TRAPPC9: variants seen among roughly 807,000 people sequenced by gnomAD.
TRAPPC9 encodes the protein IKK2 binding protein.
Under a neutral mutation model 124.0 loss-of-function variants are expected in TRAPPC9, and 83 were observed. That is an observed-to-expected ratio of 0.67 (90% CI 0.56 to 0.80). The LOEUF (loss-of-function observed/expected upper bound fraction) is 0.80. TRAPPC9 is among the 30% of genes least tolerant of loss of function. TRAPPC9 has a pLI of 0.00. For missense variants in TRAPPC9, 1,302 were observed against 1,508.3 expected, an observed-to-expected ratio of 0.86 and a Z score of 2.27; for synonymous variants, 638 against 617.5, an observed-to-expected ratio of 1.03 and a Z score of -0.49.
At chr8:140,448,145 CAAA>C (rs56941791) in intron 2 of TRAPPC9, among the ~76,000 whole-genome samples, 9 of 90,082 alleles carry the variant, frequency 1.0e-4, no homozygotes, top group South Asian at 3.8e-4. Flanking sequence ...GACACCATCT[CAAA>C]AAAAAAAAAA....
At chr8:139,873,452 A>C (rs972239983) in intron 21 of TRAPPC9, among the ~76,000 whole-genome samples, 5 of 152,096 alleles carry the variant, frequency 3.3e-5, no homozygotes, top group Non-Finnish European at 7.4e-5. Flanking sequence ...CCCCTCCATC[A>C]GGCTGTGAGT....
At chr8:140,430,852 C>T (rs2070613417) in intron 4 of TRAPPC9, among the ~76,000 whole-genome samples, 1 of 151,974 alleles carries the variant, frequency 6.6e-6, no homozygotes, top group Non-Finnish European at 1.5e-5. Context: ...GTTGCCCAGG[C>T]TGGTCTCAAA....
chr8:139,895,381 TA>T (rs887092958), intron 20 of TRAPPC9, among the ~76,000 whole-genome samples: 4 of 151,856 alleles, frequency 2.6e-5, no homozygotes, highest in African/African-American at 4.8e-5. Context: ...ACCTTTTGTG[TA>T]AAAAAAAATT....
At chr8:140,431,563 A>G (rs1221108176) in intron 4 of TRAPPC9, among the ~76,000 whole-genome samples, 1 of 152,250 alleles carries the variant, frequency 6.6e-6, no homozygotes, top group Non-Finnish European at 1.5e-5. Flanking sequence ...TCCAAACACT[A>G]TAAAATGATG....
At chr8:139,927,102 A>G (rs1832861867) in intron 19 of TRAPPC9, among the ~76,000 whole-genome samples, 1 of 152,246 alleles carries the variant, frequency 6.6e-6, no homozygotes, top group African/African-American at 2.4e-5. Context: ...TAAATGTCAA[A>G]CTATCACAAT....
At chr8:140,378,954 G>A (rs2068524925) in intron 7 of TRAPPC9, among the ~76,000 whole-genome samples, 1 of 152,074 alleles carries the variant, frequency 6.6e-6, no homozygotes, top group South Asian at 2.1e-4. Flanking sequence ...TGGGGATGGG[G>A]GGATTTTTAT....
intron 8 of TRAPPC9, among the ~76,000 whole-genome samples, chr8:140,364,162 T>C (rs913679717): frequency 5.9e-5 from 9 of 151,676 alleles, no homozygotes; most frequent in Non-Finnish European, 8.8e-5. Flanking sequence ...GATGCAGTCT[T>C]AAATGTTACA....
intron 10 of TRAPPC9, among the ~76,000 whole-genome samples, chr8:140,302,278 A>C (rs1269821039): frequency 6.6e-6 from 1 of 152,028 alleles, no homozygotes; most frequent in African/African-American, 2.4e-5. Flanking sequence ...CCTCCAGACC[A>C]AGGGCACACC....
intron 18 of TRAPPC9, among the ~76,000 whole-genome samples, chr8:140,009,582 G>A (rs949738686): frequency 1.3e-5 from 2 of 152,164 alleles, no homozygotes; most frequent in Non-Finnish European, 2.9e-5. Flanking sequence ...GAAATAGCAA[G>A]GCTTAGCCTA....
chr8:140,355,836 T>C (rs137983493), intron 9 of TRAPPC9, among the ~76,000 whole-genome samples: 2 of 152,312 alleles, frequency 1.3e-5, no homozygotes, highest in East Asian at 3.9e-4. Flanking sequence ...TACACACATA[T>C]ATTAAAAGAG....
chr8:140,389,455 AC>A (rs2068859893), intron 7 of TRAPPC9, among the ~76,000 whole-genome samples: 1 of 152,234 alleles, frequency 6.6e-6, no homozygotes, highest in African/African-American at 2.4e-5. Flanking sequence ...CACTGCCGTC[AC>A]GGCCACTCAG....
At chr8:140,168,079 C>T (rs894307518) in intron 17 of TRAPPC9, among the ~76,000 whole-genome samples, 1 of 152,198 alleles carries the variant, frequency 6.6e-6, no homozygotes, top group African/African-American at 2.4e-5. Context: ...CTCCCCAAAC[C>T]CCAGCTTTCT....
chr8:140,119,175 G>C (rs2060942310), intron 17 of TRAPPC9, among the ~76,000 whole-genome samples: 1 of 152,216 alleles, frequency 6.6e-6, no homozygotes, highest in Non-Finnish European at 1.5e-5. Context: ...CAAAAAGGCA[G>C]CCAGCCAAAC....
intron 1 of TRAPPC9, among the ~76,000 whole-genome samples, chr8:140,457,196 C>G (rs1472551061): frequency 6.6e-6 from 1 of 152,044 alleles, no homozygotes; most frequent in Non-Finnish European, 1.5e-5. Flanking sequence ...GTCCCAGACC[C>G]CGCGGGCTCC....
intron 17 of TRAPPC9, among the ~76,000 whole-genome samples, chr8:140,124,261 C>T (rs2061041306): frequency 6.6e-6 from 1 of 152,144 alleles, no homozygotes; most frequent in African/African-American, 2.4e-5. Flanking sequence ...GCAGGGGGGG[C>T]TCTGCCTGAG....
At chr8:140,255,741 C>G (rs914205553) in intron 15 of TRAPPC9, among the ~76,000 whole-genome samples, 2 of 152,172 alleles carry the variant, frequency 1.3e-5, no homozygotes, top group African/African-American at 4.8e-5. Flanking sequence ...CAAAAATTAG[C>G]TGGGCATGGT....
chr8:140,105,389 G>T (rs529721764), intron 17 of TRAPPC9, among the ~76,000 whole-genome samples: 1 of 152,278 alleles, frequency 6.6e-6, no homozygotes, highest in East Asian at 1.9e-4. Flanking sequence ...TTGATTCCCT[G>T]GGCTGGTCGG....
intron 13 of TRAPPC9, among the ~76,000 whole-genome samples, chr8:140,285,327 G>A (rs2065452237): frequency 6.6e-6 from 1 of 152,078 alleles, no homozygotes; most frequent in Non-Finnish European, 1.5e-5. Flanking sequence ...ATGCTCCACT[G>A]CCAGGCCACG....
chr8:139,860,001 G>A (rs1828028194), intron 21 of TRAPPC9, among the ~76,000 whole-genome samples: 2 of 152,252 alleles, frequency 1.3e-5, no homozygotes, highest in African/African-American at 2.4e-5. Context: ...CTTTGGGGAT[G>A]ACTCACACCT....
Sources: allele counts gnomAD v4.1 joint callset (sites outside exome capture counted in the v4.1 genomes callset), GRCh38; gene constraint gnomAD v4.1.1; transcripts MANE v1.5; gene names NCBI Gene and HGNC (gene_info 2026-07-23, HGNC 2026-07-21).